The following CCDC171 variants were observed in gnomAD, a reference collection of about 807,000 sequenced individuals.
CCDC171 encodes coiled-coil domain-containing protein 171.
A neutral mutation model predicts 168.2 loss-of-function variants in CCDC171; 177 were observed. The ratio of observed to expected loss-of-function variants is 1.05; its 90% confidence interval spans 0.93 to 1.19. The LOEUF (loss-of-function observed/expected upper bound fraction) is 1.19, where lower values mean the gene tolerates loss of function less well. CCDC171 is among the 50% of genes most tolerant of loss of function. The pLI is 0.00. For missense variants in CCDC171, 1,991 were observed against 1,539.0 expected (o/e 1.29, Z -4.91); for synonymous variants, 687 against 540.8 (o/e 1.27, Z -3.75).
intron 11 of CCDC171, among the ~76,000 whole-genome samples, chr9:15,699,436 C>T (rs960329642): frequency 6.6e-6 from 1 of 152,180 alleles, no homozygotes; most frequent in Non-Finnish European, 1.5e-5. Context: ...CGGGTTGCCA[C>T]TGCTGGCTTG....
At chr9:15,903,830 A>G (rs1248689303) in intron 24 of CCDC171, among the ~76,000 whole-genome samples, 1 of 152,222 alleles carries the variant, frequency 6.6e-6, no homozygotes, top group African/African-American at 2.4e-5. Flanking sequence ...GGAGTCCTTA[A>G]TGGACCTTAT....
chr9:15,780,990 G>T (rs1166192987), intron 20 of CCDC171, among the ~76,000 whole-genome samples: 1 of 152,044 alleles, frequency 6.6e-6, no homozygotes, highest in Non-Finnish European at 1.5e-5. Context: ...AGTTGAATTT[G>T]GGATATTGAG....
At position 15,859,309 on chromosome 9, in the gene CCDC171, T is replaced by C. The variant is rs189613644; in HGVS notation, c.3468+10362T>C. 9.9e-5 allele frequency among the ~76,000 whole-genome samples: 15 copies of C among 152,182 alleles called. No homozygotes were observed. The East Asian group carries it at 2.9e-3, about 29-fold the overall frequency. On this transcript the variant is annotated intron_variant, in intron 23 of 25. Coordinates refer to ENST00000380701, the MANE Select transcript of CCDC171 (RefSeq NM_173550.4). ...TTGCTAATATTTTGTTGAGGATTTTTAGATCTATATTCATCAGGGATATTG... is the reference window on the plus strand; with the variant it reads ...TTGCTAATATTTTGTTGAGGATTTTCAGATCTATATTCATCAGGGATATTG...
Position 15,973,553 on chromosome 9 carries a change from T to C in CCDC171, c.*1717T>C, listed in dbSNP as rs2132840328. 1 of 152,296 alleles carries C rather than the reference T, an allele frequency of 6.6e-6. No homozygotes were observed. The highest frequency in any genetic ancestry group is 1.9e-4 in the East Asian group (1 of 5,184). The allele number at this position is 152,296 out of a possible 1,614,324, so 9.4% of individuals were successfully genotyped here. A position where few individuals can be genotyped will look rare whatever the true frequency, so the allele number is the denominator to read the frequency against. ...TATATAAAACTTTAGAAAGCTTATA[T>C]GGAGTAAAATTATATCTTTAACCAA... On this transcript the variant is annotated 3_prime_UTR_variant, in exon 26 of 26. Transcript: ENST00000380701.
downstream of CCDC171, among the ~76,000 whole-genome samples, chr9:16,065,027 G>C (rs1482841499): frequency 2.0e-5 from 3 of 152,144 alleles, no homozygotes; most frequent in East Asian, 5.8e-4. Flanking sequence ...AGCTTGATTT[G>C]GTGTTAATTC....
intron 25 of CCDC171, among the ~76,000 whole-genome samples, chr9:15,955,113 T>C (rs530462659): frequency 5.3e-5 from 8 of 152,276 alleles, no homozygotes; most frequent in African/African-American, 1.9e-4. Flanking sequence ...AAAAAATTGC[T>C]GTAGCTATCT....
intron 2 of CCDC171, among the ~76,000 whole-genome samples, chr9:15,565,450 C>A (rs148034522): frequency 3.3e-5 from 5 of 152,274 alleles, no homozygotes; most frequent in Admixed American, 2.0e-4. Flanking sequence ...TCCCAAGTAG[C>A]TGGAACTGTA....
intron 23 of CCDC171, among the ~76,000 whole-genome samples, chr9:15,864,272 C>T (rs921804982): frequency 1.3e-5 from 2 of 151,938 alleles, no homozygotes; most frequent in African/African-American, 4.8e-5. Context: ...ATAGCTCTAC[C>T]AGTAGGCTTT....
downstream of CCDC171, among the ~76,000 whole-genome samples, chr9:15,977,481 G>A (rs1016604506): frequency 3.9e-5 from 6 of 152,178 alleles, no homozygotes. Flanking sequence ...GTGTAGGTGT[G>A]TTTGATGCTT....
chr9:15,877,194 A>ACAAG (rs1234769932), intron 24 of CCDC171, among the ~76,000 whole-genome samples: 3 of 151,362 alleles, frequency 2.0e-5, no homozygotes, highest in African/African-American at 7.3e-5. Context: ...AAACAAACAA[A>ACAAG]CAAACAAACA....
the CCDC171 span, among the ~76,000 whole-genome samples, chr9:16,099,631 AG>A: frequency 6.6e-6 from 1 of 152,222 alleles, no homozygotes; most frequent in Non-Finnish European, 1.5e-5. Flanking sequence ...AGGTGCATGA[AG>A]GGGGCATCCA....
intron 23 of CCDC171, among the ~76,000 whole-genome samples, chr9:15,855,235 A>G (rs2061304746): frequency 1.3e-5 from 2 of 151,672 alleles, no homozygotes; most frequent in Admixed American, 1.3e-4. Context: ...GTTTTGCTTC[A>G]TATATTTTGA....
At chr9:15,633,763 T>C (rs1564099488) in intron 7 of CCDC171, among the ~76,000 whole-genome samples, 1 of 152,142 alleles carries the variant, frequency 6.6e-6, no homozygotes, top group Non-Finnish European at 1.5e-5. Context: ...AGCAAAGACT[T>C]GGAACCAACC....
At chr9:15,863,796 C>G (rs1416553366) in intron 23 of CCDC171, among the ~76,000 whole-genome samples, 1 of 151,980 alleles carries the variant, frequency 6.6e-6, no homozygotes, top group Admixed American at 6.6e-5. Context: ...GTGGCATACA[C>G]AGTTTTTTGT....
chr9:15,993,647 G>C (rs1008237667), intron 3 of CCDC171, among the ~76,000 whole-genome samples: 2 of 152,170 alleles, frequency 1.3e-5, no homozygotes, highest in Non-Finnish European at 2.9e-5. Flanking sequence ...TACCATCAGC[G>C]TGAACAGGCA....
At chr9:15,812,741 T>C (rs2059409448) in intron 21 of CCDC171, among the ~76,000 whole-genome samples, 1 of 152,204 alleles carries the variant, frequency 6.6e-6, no homozygotes, top group South Asian at 2.1e-4. Flanking sequence ...TCTTGAGTTT[T>C]TGCCCAACAA....
At position 15,906,689 on chromosome 9, in the gene CCDC171, A is replaced by G. The variant is rs1435019972; in HGVS notation, c.3601-13581A>G. On this transcript the variant is annotated intron_variant, in intron 24 of 25. Coordinates refer to ENST00000380701, the MANE Select transcript of CCDC171 (RefSeq NM_173550.4). ...TCTGGCCAGGGCAATCAGGCAGGAG[A>G]AGGAAATAAAGGGTATTCAATGAGG... Among the ~76,000 whole-genome samples the G allele has an allele frequency of 2.0e-5, 3 of 152,290 alleles. No homozygotes were observed. The East Asian group carries it at 5.8e-4, about 29-fold the overall frequency.
chr9:15,909,068 A>G (rs551967372), intron 24 of CCDC171, among the ~76,000 whole-genome samples: 3 of 152,324 alleles, frequency 2.0e-5, no homozygotes, highest in South Asian at 2.1e-4. Flanking sequence ...CCAATTGAGT[A>G]TATCACAGAG....
intron 10 of CCDC171, among the ~76,000 whole-genome samples, chr9:15,684,226 CAT>C (rs1165908808): frequency 8.6e-5 from 13 of 151,990 alleles, no homozygotes; most frequent in African/African-American, 3.1e-4. Context: ...AATTGCTTAA[CAT>C]ATATTTAAAT....
Sources: gnomAD v4.1 joint callset for allele counts (sites outside exome capture counted in the v4.1 genomes callset) on GRCh38, gnomAD v4.1.1 for gene constraint, MANE v1.5 for transcripts, NCBI Gene and HGNC (gene_info 2026-07-23, HGNC 2026-07-21) for gene names.